Variants in STARD13 observed in about 807,000 individuals in gnomAD.
STARD13 encodes the protein StAR related lipid transfer domain containing 13.
Under a neutral mutation model 106.4 loss-of-function variants are expected in STARD13, and 62 were observed. The observed-to-expected ratio is 0.58, with a 90% CI of 0.48 to 0.72. The LOEUF is 0.72. Ranked by LOEUF, STARD13 falls within the 30% of genes least tolerant of loss-of-function variation. The probability of loss-of-function intolerance (pLI) is 0.00; values close to 1 mark genes in which losing one functional copy is unlikely to be tolerated. For missense variants in STARD13, 1,387 were observed against 1,424.0 expected (o/e 0.97, Z 0.42); for synonymous variants, 565 against 553.0 (o/e 1.02, Z -0.31).
At chr13:33,663,349 A>C in the STARD13 span, among the ~76,000 whole-genome samples, 1 of 152,250 alleles carries the variant, frequency 6.6e-6, no homozygotes, top group Non-Finnish European at 1.5e-5. Flanking sequence ...ATTATGGACA[A>C]AAAATAATGA....
intron 1 of STARD13, among the ~76,000 whole-genome samples, chr13:33,169,358 G>A (rs2138384451): frequency 6.6e-6 from 1 of 152,290 alleles, no homozygotes; most frequent in East Asian, 1.9e-4. Flanking sequence ...TTCCTACTTT[G>A]ATAACCACAC....
chr13:33,304,191 T>C (rs1202521557), intron 1 of STARD13, among the ~76,000 whole-genome samples: 1 of 152,250 alleles, frequency 6.6e-6, no homozygotes, highest in Non-Finnish European at 1.5e-5. Context: ...TACTGAGCCA[T>C]AGATGTCTAC....
At chr13:33,219,219 G>C (rs1004146203) in intron 1 of STARD13, among the ~76,000 whole-genome samples, 1 of 152,074 alleles carries the variant, frequency 6.6e-6, no homozygotes, top group Admixed American at 6.5e-5. Flanking sequence ...GCAGGGAAAA[G>C]TACTGCAAAG....
At chr13:33,168,945 G>A (rs1234308291) in intron 1 of STARD13, among the ~76,000 whole-genome samples, 1 of 152,316 alleles carries the variant, frequency 6.6e-6, no homozygotes, top group African/African-American at 2.4e-5. Flanking sequence ...TAAATCCAAG[G>A]AAACAGAGCC....
chr13:33,121,504 G>T (rs1466666034), intron 7 of STARD13, among the ~76,000 whole-genome samples: 1 of 151,168 alleles, frequency 6.6e-6, no homozygotes, highest in African/African-American at 2.4e-5. Context: ...GGAGGCAGAG[G>T]TTGCAGTGAG....
At chr13:33,163,225 G>A (rs7321442) in intron 3 of STARD13, among the ~76,000 whole-genome samples, 28,543 of 151,954 alleles carry the variant, frequency 0.19, 4,221 homozygotes, top group African/African-American at 0.41. Flanking sequence ...CCCATAACAT[G>A]TGGGAATTAT....
chr13:33,434,484 C>T, the STARD13 span, among the ~76,000 whole-genome samples: 3 of 151,780 alleles, frequency 2.0e-5, no homozygotes, highest in East Asian at 1.9e-4. Context: ...AAAGTGAGGA[C>T]GATACTTCCA....
intron 1 of STARD13, among the ~76,000 whole-genome samples, chr13:33,304,338 A>G (rs1274345653): frequency 1.3e-5 from 2 of 152,290 alleles, no homozygotes; most frequent in South Asian, 2.1e-4. Flanking sequence ...AGTTCTGAAA[A>G]GACATAGGGT....
At chr13:33,368,120 A>G in the STARD13 span, among the ~76,000 whole-genome samples, 1 of 152,068 alleles carries the variant, frequency 6.6e-6, no homozygotes, top group Non-Finnish European at 1.5e-5. Flanking sequence ...ATCTCAGGGG[A>G]GTAAACCCCA....
Position 33,340,584 on chromosome 13 carries a change from A to G in STARD13, c.124+9706T>C, listed in dbSNP as rs139332909. On this transcript the variant is annotated intron_variant, in intron 1 of 5. Coordinates refer to the STARD13 transcript ENST00000567873. ...GTCTCTCTTGTTCATTGAATTTCCT[A>G]TATAGGAAGGAGAAAGGAGCATTCA... 2.0e-4 allele frequency among the ~76,000 whole-genome samples: 30 copies of G among 152,294 alleles called. No homozygotes were observed. The East Asian group carries it at 5.6e-3, about 28-fold the overall frequency.
chr13:33,354,439 C>CT (rs567710262), upstream of STARD13, among the ~76,000 whole-genome samples: 226 of 152,340 alleles, frequency 1.5e-3, no homozygotes, highest in African/African-American at 5.1e-3. Context: ...TTCTTCCATG[C>CT]TTTGGGGATA....
chr13:33,461,253 G>T, the STARD13 span, among the ~76,000 whole-genome samples: 1 of 152,194 alleles, frequency 6.6e-6, no homozygotes, highest in Non-Finnish European at 1.5e-5. Context: ...TTATACCTCA[G>T]CAAAGTTGAT....
chr13:33,216,486 T>A (rs1051498967), intron 1 of STARD13, among the ~76,000 whole-genome samples: 1 of 152,178 alleles, frequency 6.6e-6, no homozygotes, highest in Non-Finnish European at 1.5e-5. Flanking sequence ...CATCATATAT[T>A]CTTACTTATA....
chr13:33,454,355 T>C, the STARD13 span, among the ~76,000 whole-genome samples: 1 of 152,198 alleles, frequency 6.6e-6, no homozygotes, highest in South Asian at 2.1e-4. Flanking sequence ...CAGGCATCCA[T>C]TGCAGTCTGG....
At chr13:33,148,980 T>C (rs1023076335) in intron 3 of STARD13, among the ~76,000 whole-genome samples, 9 of 152,172 alleles carry the variant, frequency 5.9e-5, no homozygotes, top group African/African-American at 1.9e-4. Context: ...TCCTCTATGA[T>C]CCAACTATAT....
At chr13:33,139,255 G>C (rs116691800) in intron 4 of STARD13, among the ~76,000 whole-genome samples, 8 of 152,226 alleles carry the variant, frequency 5.3e-5, no homozygotes, top group Non-Finnish European at 7.3e-5. Flanking sequence ...GAAAGGTGAG[G>C]AGGATCAGTC....
At chr13:33,313,868 C>T (rs567364134) in intron 1 of STARD13, among the ~76,000 whole-genome samples, 5 of 152,288 alleles carry the variant, frequency 3.3e-5, no homozygotes, top group African/African-American at 1.2e-4. Context: ...AACTCATCAT[C>T]GTCTTTTCCC....
At chr13:33,634,664 C>T in the STARD13 span, among the ~76,000 whole-genome samples, 9,407 of 152,160 alleles carry the variant, frequency 0.062, 565 homozygotes, top group African/African-American at 0.16. Context: ...CTGAATAGTT[C>T]AAATTACTGT....
At chr13:33,503,349 T>C in the STARD13 span, among the ~76,000 whole-genome samples, 1 of 152,196 alleles carries the variant, frequency 6.6e-6, no homozygotes, top group African/African-American at 2.4e-5. Flanking sequence ...GATTCATTGA[T>C]TTTTTGAAGG....
Sources: gnomAD v4.1 joint callset for allele counts (sites outside exome capture counted in the v4.1 genomes callset) on GRCh38, gnomAD v4.1.1 for gene constraint, MANE v1.5 for transcripts, NCBI Gene and HGNC (gene_info 2026-07-23, HGNC 2026-07-21) for gene names.